The following LYST variants were observed in gnomAD, a reference collection of about 807,000 sequenced individuals.
The protein encoded by LYST is lysosomal trafficking regulator.
LYST carries 192 observed loss-of-function variants against 413.6 expected under a neutral mutation model. The ratio of observed to expected loss-of-function variants is 0.46; its 90% CI spans 0.41 to 0.52. LYST has a LOEUF of 0.52. LYST is among the 20% of genes least tolerant of loss of function. LYST has a pLI of 0.00. For missense variants in LYST, 3,815 were observed against 4,499.9 expected (o/e 0.85, Z 4.35); for synonymous variants, 1,525 against 1,567.3 (o/e 0.97, Z 0.64).
At chr1:235,795,149 A>C (rs1278117593) in intron 10 of LYST, among the ~76,000 whole-genome samples, 1 of 152,208 alleles carries the variant, frequency 6.6e-6, no homozygotes, top group Non-Finnish European at 1.5e-5. Flanking sequence ...GTCTGGAGAG[A>C]AAGTGACAGT....
In LYST at chr1:235,858,916, C is replaced by T. The variant is rs536660814; in HGVS notation, c.-98+7927G>A. ...TGGAGAACACTGCTTAACCATCCTGCTGGCCTCTGTACATTTGTGATTTCA... is the reference window on the plus strand; with the variant it reads ...TGGAGAACACTGCTTAACCATCCTGTTGGCCTCTGTACATTTGTGATTTCA... On this transcript the variant is annotated intron_variant, in intron 1 of 52. Coordinates refer to ENST00000389793, the MANE Select transcript of LYST (RefSeq NM_000081.4). Among the ~76,000 whole-genome samples, 110 of 152,270 alleles carry T rather than the reference C, an allele frequency of 7.2e-4. 2 individuals are homozygous for T. The highest frequency in any genetic ancestry group is 1.7e-3 in the Admixed American group (26 of 15,294).
chr1:235,669,695 C>A (rs1232782684), intron 50 of LYST, among the ~76,000 whole-genome samples: 1 of 152,176 alleles, frequency 6.6e-6, no homozygotes. Flanking sequence ...GTATTTGTAC[C>A]CAAGAAGATT....
intron 30 of LYST, among the ~76,000 whole-genome samples, chr1:235,742,748 T>C (rs1295784915): frequency 2.0e-5 from 3 of 151,836 alleles, no homozygotes; most frequent in East Asian, 3.9e-4. Flanking sequence ...AAAGGATTCA[T>C]AATAAAGACT....
rs544207810 is a variant in LYST, at chr1:235,854,391, C to T, written c.-98+12452G>A. Among the ~76,000 whole-genome samples, 45 of 152,300 alleles carry T rather than the reference C, an allele frequency of 3.0e-4. No homozygotes were observed. The highest frequency in any genetic ancestry group is 9.9e-4 in the African/African-American group (41 of 41,552). On this transcript the variant is annotated intron_variant, in intron 1 of 52. Coordinates refer to ENST00000389793, the MANE Select transcript of LYST (RefSeq NM_000081.4). The surrounding 1 kb of genome is among the most constrained non-coding windows in gnomAD (Gnocchi z 4.1). ...ATATACAAATTTCTATTCTCCAAAG[C>T]AGACATTGACTTCTCTCTCCAATAA...
chr1:235,825,990 G>A (rs1675290344), intron 3 of LYST, among the ~76,000 whole-genome samples: 1 of 152,158 alleles, frequency 6.6e-6, no homozygotes, highest in South Asian at 2.1e-4. Flanking sequence ...TGAAAGATCA[G>A]TGGAACACAA....
intron 21 of LYST, among the ~76,000 whole-genome samples, chr1:235,765,283 T>G (rs1040083431): frequency 1.3e-5 from 2 of 152,188 alleles, no homozygotes; most frequent in African/African-American, 4.8e-5. Flanking sequence ...ACTTCTCAAT[T>G]TATCCCTCCT....
At chr1:235,730,824 A>G in intron 36 of LYST, 23 bp downstream of exon 36, 1 of 1,300,388 alleles carries the variant, frequency 7.7e-7, no homozygotes, top group Non-Finnish European at 1.1e-6. Flanking sequence ...TGAAAGAGTG[A>G]AGGTCTATTG....
intron 1 of LYST, among the ~76,000 whole-genome samples, chr1:235,862,260 T>C (rs1046172492): frequency 4.6e-5 from 7 of 152,222 alleles, no homozygotes. Context: ...CTGTTTCTGT[T>C]TTCCTCACCC....
rs1024906400 is a variant in LYST, at chr1:235,847,896, T to G, written c.-97-14229A>C. Among the ~76,000 whole-genome samples the G allele has an allele frequency of 7.9e-5, 12 of 152,170 alleles. 1 individual carries two copies. Among genetic ancestry groups the G allele is most frequent in the Admixed American group, 7.8e-4 (12 of 15,296 alleles). Reference sequence around the variant, plus strand: ...TGGAGCTCCCAAATTTATAAAACAATTACTAATAGACCTAAGAAATGAGAC... The same window carrying G: ...TGGAGCTCCCAAATTTATAAAACAAGTACTAATAGACCTAAGAAATGAGAC... On this transcript the variant is annotated intron_variant, in intron 1 of 52. Coordinates refer to ENST00000389793, the MANE Select transcript of LYST (RefSeq NM_000081.4).
At chr1:235,683,540 A>G (rs1376896405) in intron 48 of LYST, among the ~76,000 whole-genome samples, 1 of 152,206 alleles carries the variant, frequency 6.6e-6, no homozygotes. Context: ...TGCATTTTAG[A>G]AGACTTTTAT....
chr1:235,764,495 CTTT>C (rs1020736833), intron 21 of LYST, among the ~76,000 whole-genome samples: 2 of 97,944 alleles, frequency 2.0e-5, no homozygotes, highest in African/African-American at 4.5e-5. Flanking sequence ...TTTTTCTTTT[CTTT>C]TTTTTTTTTT....
intron 1 of LYST, among the ~76,000 whole-genome samples, chr1:235,875,766 C>T (rs2103235830): frequency 6.6e-6 from 1 of 152,056 alleles, no homozygotes; most frequent in East Asian, 1.9e-4. Context: ...ATGGCTTGAG[C>T]CCAGGAGTTT....
chr1:235,873,222 C>A (rs1272690558), intron 1 of LYST, among the ~76,000 whole-genome samples: 3 of 152,158 alleles, frequency 2.0e-5, no homozygotes, highest in Non-Finnish European at 2.9e-5. Context: ...TTCCAACCAA[C>A]TAAAAGTGTT....
intron 8 of LYST, among the ~76,000 whole-genome samples, chr1:235,802,313 C>G (rs1319681041): frequency 6.6e-6 from 1 of 150,812 alleles, no homozygotes; most frequent in Non-Finnish European, 1.5e-5. Context: ...CTTTTCCATT[C>G]TACTCATTTT....
At chr1:235,859,534 C>T (rs1481786090) in intron 1 of LYST, among the ~76,000 whole-genome samples, 2 of 149,906 alleles carry the variant, frequency 1.3e-5, no homozygotes. Context: ...CTATATCTGA[C>T]TCAGTTTCAA....
At chr1:235,725,629 C>A (rs967923936) in intron 38 of LYST, among the ~76,000 whole-genome samples, 1 of 152,102 alleles carries the variant, frequency 6.6e-6, no homozygotes, top group Non-Finnish European at 1.5e-5. Context: ...AAACAGTTCT[C>A]ATGCTTCCGA....
intron 20 of LYST, among the ~76,000 whole-genome samples, chr1:235,769,281 A>C (rs543622712): frequency 3.3e-5 from 5 of 152,112 alleles, no homozygotes; most frequent in African/African-American, 9.6e-5. Context: ...TCTGAGACAG[A>C]AAAAAGTCTT....
At chr1:235,708,185 A>G (rs1662135973) in intron 44 of LYST, among the ~76,000 whole-genome samples, 1 of 152,176 alleles carries the variant, frequency 6.6e-6, no homozygotes, top group African/African-American at 2.4e-5. Flanking sequence ...GGAATGATAC[A>G]TATGTATAGA....
At chr1:235,838,451 G>C (rs909842021) in intron 1 of LYST, among the ~76,000 whole-genome samples, 1 of 152,124 alleles carries the variant, frequency 6.6e-6, no homozygotes, top group Non-Finnish European at 1.5e-5. Context: ...TAGAAACTGG[G>C]TTATCTGGAA....
Sources: gnomAD v4.1 joint callset for allele counts (sites outside exome capture counted in the v4.1 genomes callset) on GRCh38, gnomAD v4.1.1 for gene constraint, Gnocchi (gnomAD v3.1) non-coding constraint, MANE v1.5 for transcripts, NCBI Gene and HGNC (gene_info 2026-07-23, HGNC 2026-07-21) for gene names.